Variants in ADGRA3 observed in about 807,000 individuals in gnomAD.
ADGRA3 encodes the protein G-protein coupled receptor 125.
ADGRA3 carries 56 observed loss-of-function variants against 119.8 expected under a neutral mutation model. That is an observed-to-expected ratio of 0.47 (90% CI 0.38 to 0.58). The LOEUF (loss-of-function observed/expected upper bound fraction) is 0.58. Ranked by LOEUF, ADGRA3 falls within the 20% of genes least tolerant of loss-of-function variation. The pLI is 0.00. For missense variants in ADGRA3, 1,516 were observed against 1,649.0 expected (o/e 0.92, Z 1.40); for synonymous variants, 607 against 623.8 (o/e 0.97, Z 0.40).
chr4:22,466,907 G>A (rs1302046962), intron 2 of ADGRA3, among the ~76,000 whole-genome samples: 3 of 152,102 alleles, frequency 2.0e-5, no homozygotes, highest in African/African-American at 7.2e-5. Context: ...GTTCATGGAC[G>A]AAAGAATACA....
rs192209193 is a variant in ADGRA3, at chr4:22,447,531, T to C, written c.474-20A>G. The C allele has an allele frequency of 8.5e-6, 12 of 1,409,426 alleles. No homozygotes were observed. In the African/African-American group the frequency reaches 1.7e-4, roughly 20 times the overall value. The allele number at this position is 1,409,426 out of a possible 1,614,324, so 87.3% of individuals were successfully genotyped here. On this transcript the variant is annotated intron_variant, in intron 4 of 18. Transcript: ENST00000334304. ...AGGTTTCTGAAAGACAGAAAACAAT[T>C]TCACTTTTAAAAATACAATTATCTA...
Position 22,387,548 on chromosome 4 carries a change from T to C in ADGRA3, c.*157A>G. The C allele has an allele frequency of 3.1e-6, 2 of 649,388 alleles. No homozygotes were observed. The highest frequency in any genetic ancestry group is 4.4e-5 in the South Asian group (1 of 22,906). 40.2% of individuals were successfully genotyped at this position (649,388 alleles called of 1,614,324 possible). On this transcript the variant is annotated 3_prime_UTR_variant, in exon 19 of 19. Transcript: ENST00000334304. ...TTCAGATCCTAAAAAATAGCAACAA[T>C]TTGGGGATAAAAATAAGTAAAATCC...
At chr4:22,465,809 T>C (rs965162030) in intron 2 of ADGRA3, among the ~76,000 whole-genome samples, 1 of 152,176 alleles carries the variant, frequency 6.6e-6, no homozygotes, top group African/African-American at 2.4e-5. Flanking sequence ...GCTAAAATAA[T>C]AGGAAAACAG....
At chr4:22,486,996 T>C (rs889288481) in intron 1 of ADGRA3, among the ~76,000 whole-genome samples, 5 of 152,108 alleles carry the variant, frequency 3.3e-5, no homozygotes, top group African/African-American at 9.7e-5. Context: ...ATAAAGCTGA[T>C]AGTGGACGTT....
At position 22,450,267 on chromosome 4, in the gene ADGRA3, CT is replaced by C. The variant is rs200219926; in HGVS notation, c.474-2757del. ...CCACCCACCCCCATCCTTTATGCTT[CT>C]TTTTTTTTTTTTTGAGACAAGTCTC... On this transcript the variant is annotated intron_variant, in intron 4 of 18. Transcript: ENST00000334304. Among the ~76,000 whole-genome samples, 418 of 143,424 alleles carry C rather than the reference CT, an allele frequency of 2.9e-3. 1 individual carries two copies. Among genetic ancestry groups the C allele is most frequent in the Non-Finnish European group, 2.6e-3 (172 of 65,246 alleles). The allele number at this position is 143,424 out of a possible 152,430, so 94.1% of individuals were successfully genotyped here. A position where few individuals can be genotyped will look rare whatever the true frequency, so the allele number is the denominator to read the frequency against.
Position 22,421,045 on chromosome 4 carries a change from A to G in ADGRA3, c.1650T>C (p.Thr550=), listed in dbSNP as rs1474268552. The G allele has an allele frequency of 2.5e-6, 4 of 1,613,978 alleles. No homozygotes were observed. The highest frequency in any genetic ancestry group is 3.3e-5 in the Admixed American group (2 of 59,994). Residue 550 remains threonine, a synonymous_variant, in exon 12 of 19, where the codon ACT becomes ACC. Transcript: ENST00000334304. ...CGGTACAGGTCATCCCCGTGAAGCC[A>G]GTAGACTTGATGACATAAGCTTCCA... is the stretch of plus-strand genomic sequence containing the variant. ...IALEAYVIKS[T]GFTGMTCTVF... is the part of the protein sequence containing the mutation.
chr4:22,484,921 T>C (rs986437329), intron 1 of ADGRA3, among the ~76,000 whole-genome samples: 4 of 152,168 alleles, frequency 2.6e-5, no homozygotes, highest in African/African-American at 9.7e-5. Flanking sequence ...CATCTCTTAG[T>C]TCCAACCTTC....
At chr4:22,446,109 T>G (rs1716820022) in intron 5 of ADGRA3, among the ~76,000 whole-genome samples, 2 of 152,200 alleles carry the variant, frequency 1.3e-5, no homozygotes, top group East Asian at 3.8e-4. Context: ...TGTGTGTGCT[T>G]CTAACACAGC....
At chr4:22,507,269 C>T (rs1483484065) in intron 1 of ADGRA3, among the ~76,000 whole-genome samples, 2 of 151,982 alleles carry the variant, frequency 1.3e-5, no homozygotes, top group Non-Finnish European at 2.9e-5. Flanking sequence ...AAATAAGCTA[C>T]CAATACTCAA....
chr4:22,486,826 T>C (rs1243524802), intron 1 of ADGRA3, among the ~76,000 whole-genome samples: 1 of 152,210 alleles, frequency 6.6e-6, no homozygotes, highest in African/African-American at 2.4e-5. Flanking sequence ...TCTTAACCTC[T>C]TAGTTACTTA....
chr4:22,443,434 C>T (rs572730382), intron 6 of ADGRA3, among the ~76,000 whole-genome samples: 1 of 151,780 alleles, frequency 6.6e-6, no homozygotes, highest in South Asian at 2.1e-4. Flanking sequence ...GACACTAGTT[C>T]ATTAAAAGAC....
intron 14 of ADGRA3, among the ~76,000 whole-genome samples, chr4:22,406,857 T>A (rs1392163316): frequency 6.6e-6 from 1 of 151,942 alleles, no homozygotes; most frequent in Non-Finnish European, 1.5e-5. Flanking sequence ...ATTAACCATG[T>A]AAAACAGAAC....
chr4:22,477,663 C>T (rs1271747421), intron 1 of ADGRA3: 1 of 152,108 alleles, frequency 6.6e-6, no homozygotes, highest in Non-Finnish European at 1.5e-5. Flanking sequence ...CTGTCATTTC[C>T]TCAGTCATAA....
chr4:22,389,178 T>C lies in ADGRA3; in HGVS notation c.2633A>G (p.Tyr878Cys), dbSNP rs745910766. ...PPPPRPMLRF[Y>C]LIGGGIPIIV... ...GATGGGGATACCACCACCAATCAGG[T>C]AAAATCTAGAAGGAGGAATCACAGG... Residue 878 changes from tyrosine (Y) to cysteine (C), a missense_variant, in exon 18 of 19, where the codon TAC becomes TGC. Around this residue, in one of 2 missense-constraint regions of ADGRA3, gnomAD observed 1,088 missense variants for 1,107.1 expected, o/e 0.98. Coordinates refer to ENST00000334304, the MANE Select transcript of ADGRA3 (RefSeq NM_145290.4). The C allele has an allele frequency of 6.2e-7, 1 of 1,609,634 alleles. No homozygotes were observed. Among genetic ancestry groups the C allele is most frequent in the Admixed American group, 1.7e-5 (1 of 59,946 alleles).
At position 22,515,882 on chromosome 4, in the gene ADGRA3, G is replaced by T. The variant is rs541902027; in HGVS notation, c.-98C>A. On this transcript the variant is annotated 5_prime_UTR_variant, in exon 1 of 19. It introduces an in-frame stop codon into an upstream open reading frame of the 5' UTR. Transcript: ENST00000334304. The stretch of plus-strand genomic sequence containing the variant: ...AGGAGCGCGGCGCGGGCCCAGCGGC[G>T]ACCGGAGCCTTATGGCGGCCGGAGG... 292 of 832,638 alleles carry T rather than the reference G, an allele frequency of 3.5e-4. 1 individual carries two copies. The African/African-American group carries it at 5.2e-3, about 15-fold the overall frequency. 51.6% of individuals were successfully genotyped at this position (832,638 alleles called of 1,614,324 possible). A position where few individuals can be genotyped will look rare whatever the true frequency, so the allele number is the denominator to read the frequency against.
At chr4:22,416,153 C>T (rs1257847073) in intron 12 of ADGRA3, among the ~76,000 whole-genome samples, 1 of 152,162 alleles carries the variant, frequency 6.6e-6, no homozygotes, top group Non-Finnish European at 1.5e-5. Flanking sequence ...CCGCAAAACA[C>T]TTACTTCATT....
chr4:22,387,609 C>A lies in ADGRA3; in HGVS notation c.*96G>T. 1.7e-6 allele frequency: 2 copies of A among 1,186,018 alleles called. No homozygotes were observed. Among genetic ancestry groups the A allele is most frequent in the Non-Finnish European group, 2.3e-6 (2 of 858,896 alleles). 73.5% of individuals were successfully genotyped at this position (1,186,018 alleles called of 1,614,324 possible). On this transcript the variant is annotated 3_prime_UTR_variant, in exon 19 of 19. Coordinates refer to ENST00000334304, the MANE Select transcript of ADGRA3 (RefSeq NM_145290.4). ...AGTTTATTCCAAATTCTTTTGAATC[C>A]CTATGGTGGCTGTAAACAGTTTTTA...
chr4:22,506,941 A>G (rs80182626), intron 1 of ADGRA3, among the ~76,000 whole-genome samples: 12 of 152,208 alleles, frequency 7.9e-5, no homozygotes, highest in African/African-American at 2.9e-4. Context: ...CTGAGTTAAT[A>G]AGCTACTAAT....
intron 16 of ADGRA3, among the ~76,000 whole-genome samples, chr4:22,395,065 C>T (rs1233392173): frequency 6.6e-6 from 1 of 152,118 alleles, no homozygotes; most frequent in Non-Finnish European, 1.5e-5. Context: ...CAGAGATGTA[C>T]ATGGCAATTC....
Sources: allele counts gnomAD v4.1 joint callset (sites outside exome capture counted in the v4.1 genomes callset), GRCh38; gene constraint gnomAD v4.1.1; regional missense constraint gnomAD v4.1.1; transcripts MANE v1.5; gene names NCBI Gene and HGNC (gene_info 2026-07-23, HGNC 2026-07-21).